Variants in TMCO6 observed in about 807,000 individuals in gnomAD.
The protein encoded by TMCO6 is transmembrane and coiled-coil domains 6.
A neutral mutation model predicts 61.8 loss-of-function variants in TMCO6; 47 were observed. That is an observed-to-expected ratio of 0.76 (90% CI 0.60 to 0.97). TMCO6 has a LOEUF of 0.97. TMCO6 is among the 50% of genes least tolerant of loss of function. The pLI is 0.00. For missense variants in TMCO6, 557 were observed against 601.6 expected, an observed-to-expected ratio of 0.93 and a Z score of 0.78; for synonymous variants, 261 against 254.2, an observed-to-expected ratio of 1.03 and a Z score of -0.25.
At chr5:140,646,338 G>T (rs1757398281), downstream of TMCO6, among the ~76,000 whole-genome samples, 1 of 152,068 alleles carries the variant, frequency 6.6e-6, no homozygotes, top group Admixed American at 6.6e-5. Context: ...GCTCCCATAG[G>T]CTATCTAACA....
the TMCO6 span, among the ~76,000 whole-genome samples, chr5:140,628,181 TA>T: frequency 5.7e-4 from 57 of 99,222 alleles, no homozygotes; most frequent in African/African-American, 1.8e-3. Context: ...GCTATATATA[TA>T]TATTTTTTCC....
At chr5:140,634,355 G>GA in the TMCO6 span, among the ~76,000 whole-genome samples, 1 of 150,916 alleles carries the variant, frequency 6.6e-6, no homozygotes, top group South Asian at 2.1e-4. Context: ...AAAACAAAAT[G>GA]AAAAAAACAG....
In TMCO6 at chr5:140,644,666, C is replaced by T; in HGVS notation, c.1294C>T (p.Leu432=). The T allele has an allele frequency of 1.2e-6, 2 of 1,614,260 alleles. No homozygotes were observed. Among genetic ancestry groups the T allele is most frequent in the South Asian group, 1.1e-5 (1 of 91,090 alleles). ...GPLLPALLHT[L]AFSDTEVVGQ... Reference sequence around the variant, plus strand: ...CCTGCTTCCCGCCTTGCTGCACACACTAGCCTTTTCTGACACTGAAGTAGT... The same window carrying T: ...CCTGCTTCCCGCCTTGCTGCACACATTAGCCTTTTCTGACACTGAAGTAGT... The change falls in exon 11 of 12, where the codon CTA becomes TTA. Residue 432 remains leucine (L), a synonymous_variant. Coordinates refer to ENST00000394671, the MANE Select transcript of TMCO6 (RefSeq NM_018502.5).
upstream of TMCO6, chr5:140,639,396 A>C (rs994386241): frequency 3.3e-6 from 3 of 896,048 alleles, no homozygotes; most frequent in Non-Finnish European, 5.2e-6. Flanking sequence ...CTCACCCAGC[A>C]CCCACCCCGC....
the TMCO6 span, among the ~76,000 whole-genome samples, chr5:140,623,517 T>C: frequency 1.3e-5 from 2 of 152,134 alleles, no homozygotes; most frequent in Non-Finnish European, 2.9e-5. Context: ...AATATCATCC[T>C]GAACCCCATC....
the TMCO6 span, among the ~76,000 whole-genome samples, chr5:140,608,473 A>G: frequency 1.3e-5 from 2 of 152,170 alleles, no homozygotes; most frequent in Admixed American, 1.3e-4. Context: ...TTATTTGGTA[A>G]TGCCTTTTGA....
the TMCO6 span, among the ~76,000 whole-genome samples, chr5:140,597,276 A>G: frequency 6.6e-6 from 1 of 152,178 alleles, no homozygotes; most frequent in Non-Finnish European, 1.5e-5. Context: ...TATCAGTTTC[A>G]GTACAGTATT....
At chr5:140,639,400 A>C (rs1025843893), upstream of TMCO6, 1 of 943,436 alleles carries the variant, frequency 1.1e-6, no homozygotes. Flanking sequence ...CCCAGCACCC[A>C]CCCCGCTCCT....
the TMCO6 span, chr5:140,632,540 G>A: frequency 3.1e-6 from 5 of 1,614,184 alleles, no homozygotes; most frequent in East Asian, 2.2e-5. This position sits in a 1 kb window ranked among gnomAD's most constrained non-coding sequence, Gnocchi z 6.2. Flanking sequence ...CGTTGCGTAG[G>A]CGCAAGCTGG....
chr5:140,632,799 C>G, the TMCO6 span: 3 of 1,613,766 alleles, frequency 1.9e-6, no homozygotes, highest in Non-Finnish European at 2.5e-6. This position sits in a 1 kb window ranked among gnomAD's most constrained non-coding sequence, Gnocchi z 6.2. Flanking sequence ...GTTGAGACCG[C>G]CGGCATGGAT....
chr5:140,610,185 C>A, the TMCO6 span, among the ~76,000 whole-genome samples: 59 of 55,590 alleles, frequency 1.1e-3, no homozygotes, highest in African/African-American at 3.8e-3. Flanking sequence ...CCCATTTCTA[C>A]TAAAAAAAAA....
At chr5:140,616,468 G>C in the TMCO6 span, among the ~76,000 whole-genome samples, 1 of 151,326 alleles carries the variant, frequency 6.6e-6, no homozygotes, top group Non-Finnish European at 1.5e-5. Context: ...AGGCTGAGGT[G>C]GGAGTAGTGC....
At chr5:140,631,600 TG>T in the TMCO6 span, 1 of 380,102 alleles carries the variant, frequency 2.6e-6, no homozygotes, top group East Asian at 3.9e-5. Flanking sequence ...GTTCTTTTCT[TG>T]AGGAGGACAG....
the TMCO6 span, among the ~76,000 whole-genome samples, chr5:140,629,752 G>A: frequency 0.017 from 2,524 of 152,058 alleles, 35 homozygotes; most frequent in Non-Finnish European, 0.023. Flanking sequence ...TGACCAACAC[G>A]GAGAAACCCT....
the TMCO6 span, among the ~76,000 whole-genome samples, chr5:140,629,891 C>G: frequency 2.7e-5 from 4 of 149,512 alleles, no homozygotes; most frequent in Non-Finnish European, 5.9e-5. Flanking sequence ...TGAGATTGCG[C>G]CATTGCACTC....
At chr5:140,628,135 A>G in the TMCO6 span, among the ~76,000 whole-genome samples, 1 of 151,260 alleles carries the variant, frequency 6.6e-6, no homozygotes, top group Admixed American at 6.6e-5. Flanking sequence ...CAGCCTCTGG[A>G]GTAGCTGGGA....
intron 2 of TMCO6, among the ~76,000 whole-genome samples, 172 bp downstream of exon 2, chr5:140,640,023 C>T (rs1361583464): frequency 6.6e-6 from 1 of 152,198 alleles, no homozygotes; most frequent in South Asian, 2.1e-4. Flanking sequence ...ACCCACAACC[C>T]CATATCGATC....
downstream of TMCO6, among the ~76,000 whole-genome samples, chr5:140,645,881 G>C (rs1757364868): frequency 6.6e-6 from 1 of 152,118 alleles, no homozygotes; most frequent in Non-Finnish European, 1.5e-5. Flanking sequence ...ATAGAATTTT[G>C]GCTGATTCTG....
chr5:140,634,113 T>C, the TMCO6 span, among the ~76,000 whole-genome samples: 2 of 152,124 alleles, frequency 1.3e-5, no homozygotes, highest in South Asian at 4.1e-4. Context: ...AAAGTGGATG[T>C]ATTTAACAGA....
Sources: allele counts gnomAD v4.1 joint callset (sites outside exome capture counted in the v4.1 genomes callset), GRCh38; gene constraint gnomAD v4.1.1; non-coding constraint Gnocchi (gnomAD v3.1); transcripts MANE v1.5; gene names NCBI Gene and HGNC (gene_info 2026-07-23, HGNC 2026-07-21).